Variants in TRAPPC8 observed in about 807,000 individuals in gnomAD.
The protein encoded by TRAPPC8 is trafficking protein particle complex subunit 8.
In TRAPPC8, 54 loss-of-function variants were observed where a neutral mutation model predicts 174.3. That is an observed-to-expected ratio of 0.31 (90% CI 0.25 to 0.39). TRAPPC8 has a LOEUF of 0.39. TRAPPC8 is among the 10% of genes least tolerant of loss of function. The pLI, the probability that TRAPPC8 is intolerant of heterozygous loss-of-function variation, is 1.00. For missense variants in TRAPPC8, 1,531 were observed against 1,699.1 expected, an observed-to-expected ratio of 0.90 and a Z score of 1.74; for synonymous variants, 630 against 579.9, an observed-to-expected ratio of 1.09 and a Z score of -1.24.
At chr18:31,896,576 T>C (rs1236815786) in intron 11 of TRAPPC8, among the ~76,000 whole-genome samples, 1 of 152,136 alleles carries the variant, frequency 6.6e-6, no homozygotes, top group Non-Finnish European at 1.5e-5. Flanking sequence ...ATGGGTTTAT[T>C]TATATGTTAA....
chr18:31,845,342 C>G (rs1288812826), intron 26 of TRAPPC8, among the ~76,000 whole-genome samples: 1 of 151,956 alleles, frequency 6.6e-6, no homozygotes, highest in African/African-American at 2.4e-5. Context: ...TGAACTGGAT[C>G]CTGGATAGAA....
chr18:31,903,670 G>A (rs542658552), intron 9 of TRAPPC8, among the ~76,000 whole-genome samples: 34 of 152,272 alleles, frequency 2.2e-4, no homozygotes, highest in African/African-American at 7.9e-4. Context: ...TATAGACAGT[G>A]CAAAGACCAT....
Position 31,871,038 on chromosome 18 carries a change from T to C in TRAPPC8, c.2145A>G (p.Glu715=), listed in dbSNP as rs151032671. Residue 715 remains glutamate (E), a synonymous_variant, in exon 15 of 29, where the codon GAA becomes GAG. Coordinates refer to ENST00000283351, the MANE Select transcript of TRAPPC8 (RefSeq NM_014939.5). The stretch of plus-strand genomic sequence containing the variant: ...CTTTGTTAACCACAGAAACAACTTG[T>C]TCCTCAAGTTCTCGCCACTGCTGAG... ...ESSQQWRELE[E]QVVSVVNKGV... The C allele has an allele frequency of 6.2e-6, 10 of 1,611,124 alleles. No homozygotes were observed. Among genetic ancestry groups the C allele is most frequent in the Non-Finnish European group, 8.5e-6 (10 of 1,178,186 alleles).
chr18:31,874,995 G>A (rs1773579977), intron 12 of TRAPPC8, among the ~76,000 whole-genome samples: 1 of 152,090 alleles, frequency 6.6e-6, no homozygotes, highest in African/African-American at 2.4e-5. Flanking sequence ...CTACTTCTCT[G>A]AGCCACAATT....
intron 19 of TRAPPC8, 22 bp downstream of exon 19, chr18:31,864,605 G>T: frequency 6.2e-7 from 1 of 1,602,518 alleles, no homozygotes; most frequent in Non-Finnish European, 8.5e-7. Context: ...TTAAGTCCAT[G>T]AAATTTTAAA....
In TRAPPC8 at chr18:31,855,787, G is replaced by A; in HGVS notation, c.3209C>T (p.Thr1070Ile). ...PKIRHRILRHTAIICTSRSLN... is the reference protein window; with the variant it reads ...PKIRHRILRHIAIICTSRSLN... ...AGACCGACTGGTACAAATAATTGCA[G>A]TGTGTCTTAATATTCTGTGCCTGAA... Residue 1070 changes from threonine to isoleucine, a missense_variant, in exon 21 of 29, where the codon ACT becomes ATT. Transcript: ENST00000283351. 5.0e-6 allele frequency: 8 copies of A among 1,594,834 alleles called. No individual in the cohort carries two copies. Among genetic ancestry groups the A allele is most frequent in the Non-Finnish European group, 6.8e-6 (8 of 1,175,472 alleles).
intron 1 of TRAPPC8, among the ~76,000 whole-genome samples, chr18:31,941,484 T>C (rs567644916): frequency 4.2e-4 from 64 of 152,160 alleles, no homozygotes; most frequent in African/African-American, 1.3e-3. Context: ...ATAAAAAACG[T>C]AGGGCATTTT....
chr18:31,919,398 T>G (rs2037278465), intron 2 of TRAPPC8, among the ~76,000 whole-genome samples: 1 of 151,210 alleles, frequency 6.6e-6, no homozygotes, highest in Non-Finnish European at 1.5e-5. Flanking sequence ...CCAGGCATGG[T>G]GGCGCCCTTG....
chr18:31,835,652 C>G (rs534870362), intron 27 of TRAPPC8, among the ~76,000 whole-genome samples: 1 of 152,282 alleles, frequency 6.6e-6, no homozygotes, highest in Admixed American at 6.5e-5. Context: ...TACACAGACA[C>G]CCAGTCACTT....
At chr18:31,900,410 C>G (rs576872100) in intron 10 of TRAPPC8, among the ~76,000 whole-genome samples, 1 of 152,282 alleles carries the variant, frequency 6.6e-6, no homozygotes, top group East Asian at 1.9e-4. Context: ...TTATGCCTGC[C>G]AATCACAATT....
intron 1 of TRAPPC8, 152 bp from the exon 2 acceptor site, chr18:31,931,675 C>T (rs1248376381): frequency 1.7e-6 from 1 of 586,020 alleles, no homozygotes; most frequent in Non-Finnish European, 2.8e-6. Context: ...AAATGGTTGA[C>T]AACATTCCCT....
intron 2 of TRAPPC8, among the ~76,000 whole-genome samples, chr18:31,924,208 T>C (rs187018031): frequency 0.011 from 1,657 of 150,856 alleles, 96 homozygotes; most frequent in Admixed American, 0.099. Flanking sequence ...TTGCTTGAAC[T>C]TGGGAGGCAG....
intron 13 of TRAPPC8, 59 bp downstream of exon 13, chr18:31,874,421 A>C: frequency 6.9e-7 from 1 of 1,439,330 alleles, no homozygotes; most frequent in Non-Finnish European, 9.7e-7. Flanking sequence ...TAATAAATAA[A>C]TACTTTCACA....
chr18:31,861,305 A>C (rs1246707622), intron 19 of TRAPPC8, among the ~76,000 whole-genome samples: 1 of 152,220 alleles, frequency 6.6e-6, no homozygotes, highest in Non-Finnish European at 1.5e-5. Flanking sequence ...CTCTTCAAGA[A>C]CTGCCTCTAT....
intron 12 of TRAPPC8, among the ~76,000 whole-genome samples, chr18:31,881,831 G>A (rs953105874): frequency 6.6e-6 from 1 of 151,898 alleles, no homozygotes; most frequent in Non-Finnish European, 1.5e-5. Flanking sequence ...GGCAAAGGAC[G>A]TAAGGTACTT....
rs190699912 is a variant in TRAPPC8 at position 31,887,343 on chromosome 18, T to C, written c.1728+3392A>G. The stretch of plus-strand genomic sequence containing the variant: ...CAATAAACTGGGTATCAAAGGAACA[T>C]ACCTCAAAATAGTAAGAGCTGGCTG... On this transcript the variant is annotated intron_variant, in intron 12 of 28. Transcript: ENST00000283351. 6.9e-4 allele frequency among the ~76,000 whole-genome samples: 105 copies of C among 152,234 alleles called. 3 individuals carry two copies. The South Asian group carries it at 7.7e-3, about 11-fold the overall frequency.
chr18:31,937,643 A>G (rs2144315371), intron 1 of TRAPPC8: 1 of 151,920 alleles, frequency 6.6e-6, no homozygotes, highest in East Asian at 1.9e-4. Flanking sequence ...AAGAAAAGAA[A>G]AAGAAATTTA....
intron 12 of TRAPPC8, among the ~76,000 whole-genome samples, chr18:31,882,295 C>G (rs888450941): frequency 1.3e-5 from 2 of 152,086 alleles, no homozygotes; most frequent in African/African-American, 4.8e-5. Context: ...GGTATCATAT[C>G]CTTTGCAGCA....
chr18:31,866,473 G>T (rs1318302831), intron 18 of TRAPPC8, among the ~76,000 whole-genome samples: 2 of 151,502 alleles, frequency 1.3e-5, no homozygotes, highest in African/African-American at 4.8e-5. Flanking sequence ...TCTTTAATTT[G>T]TTCCATGTTT....
Sources: allele counts gnomAD v4.1 joint callset (sites outside exome capture counted in the v4.1 genomes callset), GRCh38; gene constraint gnomAD v4.1.1; transcripts MANE v1.5; gene names NCBI Gene and HGNC (gene_info 2026-07-23, HGNC 2026-07-21).